Variants in DENND5B observed in about 807,000 individuals in gnomAD.
DENND5B encodes DENN domain containing 5B, also known as DENN domain-containing protein 5B.
In DENND5B, 34 loss-of-function variants were observed where a neutral mutation model predicts 140.6. That is an observed-to-expected ratio of 0.24 (90% CI 0.18 to 0.32). The LOEUF (loss-of-function observed/expected upper bound fraction) is 0.32, where lower values mean the gene tolerates loss of function less well. Ranked by LOEUF, DENND5B falls within the 10% of genes least tolerant of loss-of-function variation. DENND5B has a pLI of 1.00. For synonymous variants in DENND5B, 551 were observed against 562.1 expected (o/e 0.98, Z 0.28); for missense variants, 1,142 against 1,560.2 (o/e 0.73, Z 4.52).
At position 31,500,463 on chromosome 12, in the gene DENND5B, T is replaced by G. The variant is rs147948264; in HGVS notation, c.128-4544A>C. 873 of 440,130 alleles carry G rather than the reference T, an allele frequency of 2.0e-3. 4 individuals carry two copies. Among genetic ancestry groups the G allele is most frequent in the Non-Finnish European group, 2.8e-3 (625 of 222,052 alleles). The allele number at this position is 440,130 out of a possible 1,614,324, so 27.3% of individuals were successfully genotyped here. On this transcript the variant is annotated intron_variant, in intron 1 of 20. Coordinates refer to ENST00000389082, the MANE Select transcript of DENND5B (RefSeq NM_144973.4). ...GGGAGGCCGAGGCAGGTGAATTGCT[T>G]GAGGTCAGGAGTTCGAGACCAGCCT... is the stretch of plus-strand genomic sequence containing the variant.
chr12:31,433,317 C>G (rs1181511033), intron 7 of DENND5B, 69 bp from the exon 8 acceptor site: 1 of 1,323,848 alleles, frequency 7.6e-7, no homozygotes, highest in East Asian at 2.4e-5. Context: ...CCATTCAACA[C>G]AAAAGACTGA....
In DENND5B at chr12:31,385,345, A is replaced by C. The variant is rs1311122135; in HGVS notation, c.*2258T>G. 1 of 152,166 alleles carries C rather than the reference A, an allele frequency of 6.6e-6. No homozygotes were observed. Among genetic ancestry groups the C allele is most frequent in the Non-Finnish European group, 1.5e-5 (1 of 68,036 alleles). 9.4% of individuals were successfully genotyped at this position (152,166 alleles called of 1,614,324 possible). A position where few individuals can be genotyped will look rare whatever the true frequency, so the allele number is the denominator to read the frequency against. The stretch of plus-strand genomic sequence containing the variant: ...CAGCTGTGGGGTAAGTGTAAGATTT[A>C]ATCTCTCTATTCCTTAAGTGTTCCC... On this transcript the variant is annotated 3_prime_UTR_variant, in exon 21 of 21. Transcript: ENST00000389082.
chr12:31,499,146 G>GA (rs897587927), intron 1 of DENND5B, among the ~76,000 whole-genome samples: 27 of 151,506 alleles, frequency 1.8e-4, no homozygotes, highest in South Asian at 4.2e-4. Context: ...TTACTGCTGG[G>GA]AAAAAAAAAC....
chr12:31,406,559 A>C (rs1039597767), intron 14 of DENND5B, among the ~76,000 whole-genome samples: 1 of 152,162 alleles, frequency 6.6e-6, no homozygotes, highest in Non-Finnish European at 1.5e-5. Context: ...TAGGTGCCAG[A>C]GGCTTTTCTC....
intron 1 of DENND5B, 177 bp downstream of exon 1, chr12:31,590,529 G>T: frequency 1.3e-6 from 1 of 765,292 alleles, no homozygotes; most frequent in Non-Finnish European, 1.8e-6. Flanking sequence ...AAGCCCGCAC[G>T]CGGAATAAAT....
intron 1 of DENND5B, among the ~76,000 whole-genome samples, chr12:31,567,524 C>CT (rs1345660710): frequency 2.7e-4 from 6 of 22,548 alleles, no homozygotes; most frequent in East Asian, 1.9e-3. Context: ...AAGACTCTGT[C>CT]TAAAAAAAAA....
chr12:31,423,919 CAGA>C (rs917365719), intron 10 of DENND5B, among the ~76,000 whole-genome samples: 2 of 152,084 alleles, frequency 1.3e-5, no homozygotes, highest in African/African-American at 2.4e-5. Flanking sequence ...GCATGGCAGG[CAGA>C]AGATTTCTGA....
At chr12:31,472,503 G>A (rs1428105181) in intron 3 of DENND5B, among the ~76,000 whole-genome samples, 2 of 152,090 alleles carry the variant, frequency 1.3e-5, no homozygotes, top group Non-Finnish European at 2.9e-5. Flanking sequence ...TGTTGGCCAG[G>A]CTGGTCTCAA....
intron 1 of DENND5B, among the ~76,000 whole-genome samples, chr12:31,516,575 T>C (rs1420686913): frequency 6.6e-6 from 1 of 152,150 alleles, no homozygotes; most frequent in Non-Finnish European, 1.5e-5. Context: ...GCTTTCATCA[T>C]TGATGATAGC....
At chr12:31,558,102 T>C (rs1949357981) in intron 1 of DENND5B, among the ~76,000 whole-genome samples, 1 of 152,176 alleles carries the variant, frequency 6.6e-6, no homozygotes, top group Admixed American at 6.5e-5. Flanking sequence ...AGACTAGTCT[T>C]AGGAGTTCAC....
Position 31,390,499 on chromosome 12 carries a change from C to T in DENND5B, c.3467-1001G>A, listed in dbSNP as rs1374996399. On this transcript the variant is annotated intron_variant, in intron 19 of 20. Transcript: ENST00000389082. ...ACTAAAAATACAAAAATTAGCTGGG[C>T]GTGGTGGCAGGCACCTGTAATCCCA... Among the ~76,000 whole-genome samples, 3 of 151,884 alleles carry T rather than the reference C, an allele frequency of 2.0e-5. No homozygotes were observed. In the East Asian group the frequency reaches 5.8e-4, roughly 29 times the overall value.
rs148615752 is a variant in DENND5B at position 31,388,356 on chromosome 12, A to G, written c.3642-570T>C. Reference sequence around the variant, plus strand: ...CAATGGTCTAATAAATCAGAAGAGTATAGAGATAAAAGGAGATAAAGATCA... The same window carrying G: ...CAATGGTCTAATAAATCAGAAGAGTGTAGAGATAAAAGGAGATAAAGATCA... On this transcript the variant is annotated intron_variant, in intron 20 of 20. Transcript: ENST00000389082. Among the ~76,000 whole-genome samples the G allele has an allele frequency of 2.1e-3, 323 of 152,114 alleles. No individual in the cohort carries two copies. In the Middle Eastern group the frequency reaches 0.024, roughly 11 times the overall value.
chr12:31,462,246 G>A (rs939174144), intron 3 of DENND5B, among the ~76,000 whole-genome samples: 2 of 151,970 alleles, frequency 1.3e-5, no homozygotes, highest in Non-Finnish European at 2.9e-5. Flanking sequence ...CTCTGTGCAG[G>A]TGAGGCGGGT....
At position 31,426,405 on chromosome 12, in the gene DENND5B, C is replaced by T. The variant is rs764293602; in HGVS notation, c.2126G>A (p.Arg709Gln). 9 of 1,611,820 alleles carry T rather than the reference C, an allele frequency of 5.6e-6. No homozygotes were observed. The highest frequency in any genetic ancestry group is 2.7e-5 in the African/African-American group (2 of 74,998). ...TTGCCTCAGGTTTTTTCCTAAACTT[C>T]GTGCCTCTTGCATATATTTCTAAAA... ...DLREKYMQEA[R>Q]SLGKNLRQPK... Residue 709 changes from arginine to glutamine, a missense_variant, in exon 9 of 21, where the codon CGA (arginine) becomes CAA (glutamine). Around this residue, in one of 5 missense-constraint regions of DENND5B, gnomAD observed 708 missense variants for 905.5 expected, o/e 0.78. Coordinates refer to ENST00000389082, the MANE Select transcript of DENND5B (RefSeq NM_144973.4).
intron 1 of DENND5B, among the ~76,000 whole-genome samples, chr12:31,496,636 G>T (rs891164597): frequency 2.0e-5 from 3 of 152,126 alleles, no homozygotes; most frequent in East Asian, 1.9e-4. Flanking sequence ...GGCTGAGGTA[G>T]GAGGATTGCT....
chr12:31,543,371 A>G (rs1948751900), intron 1 of DENND5B, among the ~76,000 whole-genome samples: 1 of 152,220 alleles, frequency 6.6e-6, no homozygotes, highest in Non-Finnish European at 1.5e-5. Context: ...AGTACCTGCT[A>G]CTAAGATCTG....
chr12:31,482,735 C>T (rs981844762), intron 2 of DENND5B, among the ~76,000 whole-genome samples: 1 of 152,102 alleles, frequency 6.6e-6, no homozygotes. Flanking sequence ...GATCTTTACG[C>T]TTACCACTCT....
chr12:31,411,794 A>G (rs1942475701), intron 13 of DENND5B, among the ~76,000 whole-genome samples: 1 of 152,198 alleles, frequency 6.6e-6, no homozygotes, highest in Non-Finnish European at 1.5e-5. Flanking sequence ...ATGTAATCCA[A>G]GTGTGATATA....
chr12:31,514,383 G>C (rs930137950), intron 1 of DENND5B, among the ~76,000 whole-genome samples: 4 of 152,104 alleles, frequency 2.6e-5, no homozygotes, highest in Admixed American at 2.6e-4. Context: ...TCATCGTTAG[G>C]CATATGAGAA....
Sources: allele counts gnomAD v4.1 joint callset (sites outside exome capture counted in the v4.1 genomes callset), GRCh38; gene constraint gnomAD v4.1.1; regional missense constraint gnomAD v4.1.1; transcripts MANE v1.5; gene names NCBI Gene and HGNC (gene_info 2026-07-23, HGNC 2026-07-21).